The following MYLK4 variants were observed in gnomAD, a reference collection of about 807,000 sequenced individuals.
MYLK4 encodes myosin light chain kinase family member 4.
Under a neutral mutation model 48.1 loss-of-function variants are expected in MYLK4, and 46 were observed. That is an observed-to-expected ratio of 0.96 (90% CI 0.75 to 1.22). The LOEUF is 1.22. Ranked by LOEUF, MYLK4 falls within the 50% of genes most tolerant of loss-of-function variation. The pLI is 0.00. For synonymous variants in MYLK4, 170 were observed against 180.8 expected (o/e 0.94, Z 0.48); for missense variants, 451 against 486.1 (o/e 0.93, Z 0.68).
rs747592840 is a variant in MYLK4 at position 2,678,207 on chromosome 6, G to C, written c.1040+13C>G. 1 of 1,612,974 alleles carries C rather than the reference G, an allele frequency of 6.2e-7. No homozygotes were observed. Among genetic ancestry groups the C allele is most frequent in the African/African-American group, 1.3e-5 (1 of 74,900 alleles). On this transcript the variant is annotated intron_variant, in intron 10 of 12. Transcript: ENST00000274643. Reference sequence around the variant, plus strand: ...CCCTACTGCGCCCGGAGCACAGGACGAACTTGCGTTACCTCTTCTCCTTAA... The same window carrying C: ...CCCTACTGCGCCCGGAGCACAGGACCAACTTGCGTTACCTCTTCTCCTTAA...
chr6:2,703,694 C>T (rs541790462), intron 2 of MYLK4, among the ~76,000 whole-genome samples: 98 of 25,426 alleles, frequency 3.9e-3, no homozygotes, highest in South Asian at 5.0e-3. Context: ...TTTTTTGAGA[C>T]GGAGTCTTGC....
At chr6:2,744,881 A>G (rs2113370683) in intron 2 of MYLK4, among the ~76,000 whole-genome samples, 1 of 152,360 alleles carries the variant, frequency 6.6e-6, no homozygotes, top group East Asian at 1.9e-4. Flanking sequence ...GTTAGGATAA[A>G]TTCAGAAATG....
At chr6:2,723,540 G>A (rs1373146401) in intron 2 of MYLK4, among the ~76,000 whole-genome samples, 7 of 152,220 alleles carry the variant, frequency 4.6e-5, no homozygotes, top group African/African-American at 4.8e-5. Flanking sequence ...AGGTTCTCTC[G>A]CCCTCGCTGG....
chr6:2,767,423 A>G, the MYLK4 span, among the ~76,000 whole-genome samples: 1 of 152,108 alleles, frequency 6.6e-6, no homozygotes, highest in African/African-American at 2.4e-5. Flanking sequence ...TTTTTCTCCT[A>G]TTTTTCTTTC....
Position 2,735,152 on chromosome 6 carries a change from C to T in MYLK4, c.159+13984G>A, listed in dbSNP as rs866896506. Among the ~76,000 whole-genome samples, 16 of 152,306 alleles carry T rather than the reference C, an allele frequency of 1.1e-4. No individual in the cohort carries two copies. The South Asian group carries it at 1.5e-3, about 14-fold the overall frequency. On this transcript the variant is annotated intron_variant, in intron 2 of 12. Coordinates refer to ENST00000274643, the MANE Select transcript of MYLK4 (RefSeq NM_001012418.5). ...AGCCATCATTACAAACAATTCTTCC[C>T]GTATTAGAGCCATTTCAGTAATAAC... is the stretch of plus-strand genomic sequence containing the variant.
chr6:2,699,586 C>A (rs1762214515), intron 2 of MYLK4, among the ~76,000 whole-genome samples: 1 of 152,058 alleles, frequency 6.6e-6, no homozygotes, highest in Non-Finnish European at 1.5e-5. Flanking sequence ...TGTCAGCCAC[C>A]ATGCCCAGCT....
Position 2,679,388 on chromosome 6 carries a change from A to G in MYLK4, c.779T>C (p.Leu260Pro). ...LARRYKPREK[L>P]KVNFGTPEFL... ...TTCTGGGGTTCCAAAGTTCACCTTCAGCTTCTCTCTGGGTTTGTATCTGCA... is the reference window on the plus strand; with the variant it reads ...TTCTGGGGTTCCAAAGTTCACCTTCGGCTTCTCTCTGGGTTTGTATCTGCA... The change falls in exon 9 of 13, where the codon CTG becomes CCG. Residue 260 changes from leucine (L) to proline (P), a missense_variant. Physicochemically the swap from Leu to Pro is moderately conservative, Grantham distance 98 (BLOSUM62 -3). Coordinates refer to ENST00000274643, the MANE Select transcript of MYLK4 (RefSeq NM_001012418.5). 1 of 1,614,216 alleles carries G rather than the reference A, an allele frequency of 6.2e-7. No homozygotes were observed. Among genetic ancestry groups the G allele is most frequent in the South Asian group, 1.1e-5 (1 of 91,086 alleles).
At position 2,666,857 on chromosome 6, in the gene MYLK4, G is replaced by A. The variant is rs1395178167; in HGVS notation, c.*1068C>T. 1 of 152,240 alleles carries A rather than the reference G, an allele frequency of 6.6e-6. No homozygotes were observed. The highest frequency in any genetic ancestry group is 1.5e-5 in the Non-Finnish European group (1 of 68,056). The allele number at this position is 152,240 out of a possible 1,614,324, so 9.4% of individuals were successfully genotyped here. On this transcript the variant is annotated 3_prime_UTR_variant, in exon 13 of 13. Coordinates refer to ENST00000274643, the MANE Select transcript of MYLK4 (RefSeq NM_001012418.5). ...CAACATTCTCACGTCCAGCAGGTGAGCTTGCAGAGTTGCCCCCACCTCTGG... is the reference window on the plus strand; with the variant it reads ...CAACATTCTCACGTCCAGCAGGTGAACTTGCAGAGTTGCCCCCACCTCTGG...
Position 2,672,886 on chromosome 6 carries a change from T to A in MYLK4, c.1120-1538A>T, listed in dbSNP as rs1368647240. On this transcript the variant is annotated intron_variant, in intron 11 of 12. Transcript: ENST00000274643. This position sits in a 1 kb window ranked among gnomAD's most constrained non-coding sequence, Gnocchi z 4.3. ...TACAGACACTAATGTGCCCATTTTG[T>A]GCGTTGCTATGAGGAGTCAGTGAGT... Among the ~76,000 whole-genome samples, 2 of 152,212 alleles carry A rather than the reference T, an allele frequency of 1.3e-5. No individual in the cohort carries two copies. The highest frequency in any genetic ancestry group is 3.9e-4 in the East Asian group (2 of 5,194).
intron 3 of MYLK4, among the ~76,000 whole-genome samples, chr6:2,690,277 T>C (rs558464598): frequency 1.3e-5 from 2 of 152,260 alleles, no homozygotes; most frequent in South Asian, 4.1e-4. Flanking sequence ...GTGCCGACTA[T>C]GTCTACTCTG....
At chr6:2,708,442 C>T (rs535446737) in intron 2 of MYLK4, among the ~76,000 whole-genome samples, 6 of 152,198 alleles carry the variant, frequency 3.9e-5, no homozygotes, top group Admixed American at 2.6e-4. Flanking sequence ...ATCATTTTGG[C>T]TATGGGAGAA....
rs1216721708 is a variant in MYLK4, at chr6:2,685,862, A to G, written c.342-286T>C. ...GAGGCGGGAGGATCACGAGGTCAGGACCAGTCTGGCCAACATAGTGAAACC... is the reference window on the plus strand; with the variant it reads ...GAGGCGGGAGGATCACGAGGTCAGGGCCAGTCTGGCCAACATAGTGAAACC... On this transcript the variant is annotated intron_variant, in intron 4 of 12. Transcript: ENST00000274643. The surrounding 1 kb of genome is among the most constrained non-coding windows in gnomAD (Gnocchi z 4.5). Among the ~76,000 whole-genome samples the G allele has an allele frequency of 6.6e-6, 1 of 152,086 alleles. No individual in the cohort carries two copies. The highest frequency in any genetic ancestry group is 1.5e-5 in the Non-Finnish European group (1 of 68,010).
At position 2,673,846 on chromosome 6, in the gene MYLK4, C is replaced by G. The variant is rs1760989521; in HGVS notation, c.1119+1201G>C. On this transcript the variant is annotated intron_variant, in intron 11 of 12. Transcript: ENST00000274643. This position sits in a 1 kb window ranked among gnomAD's most constrained non-coding sequence, Gnocchi z 4.2. ...CGGTCACCATGGGAATGGAGAGAAA[C>G]AGACAGCTTCCAGAGGTAATTAGGG... 6.6e-6 allele frequency among the ~76,000 whole-genome samples: 1 copy of G among 152,188 alleles called. No homozygotes were observed. The highest frequency in any genetic ancestry group is 1.5e-5 in the Non-Finnish European group (1 of 68,040).
chr6:2,728,355 G>A (rs934649790), intron 2 of MYLK4, among the ~76,000 whole-genome samples: 1 of 152,104 alleles, frequency 6.6e-6, no homozygotes, highest in Non-Finnish European at 1.5e-5. Flanking sequence ...TCTCTCTGAA[G>A]AAACCACTTT....
chr6:2,679,352 G>T lies in MYLK4; in HGVS notation c.815C>A (p.Pro272His), dbSNP rs771850352. ...VNFGTPEFLAPEVVNYDFVSF... is the reference protein window; with the variant it reads ...VNFGTPEFLAHEVVNYDFVSF... ...AACAAAATCATAGTTCACAACTTCAGGGGCGAGAAATTCTGGGGTTCCAAA... is the reference window on the plus strand; with the variant it reads ...AACAAAATCATAGTTCACAACTTCATGGGCGAGAAATTCTGGGGTTCCAAA... Residue 272 changes from proline to histidine, a missense_variant, in exon 9 of 13, where the codon CCT becomes CAT. Physicochemically the swap from Pro to His is moderately conservative, Grantham distance 77 (BLOSUM62 -2). Coordinates refer to ENST00000274643, the MANE Select transcript of MYLK4 (RefSeq NM_001012418.5). The T allele has an allele frequency of 6.2e-7, 1 of 1,614,052 alleles. No individual in the cohort carries two copies. The highest frequency in any genetic ancestry group is 1.3e-5 in the African/African-American group (1 of 74,916).
the MYLK4 span, chr6:2,765,451 C>CGGGAGCTGCGGACGT: frequency 1.2e-5 from 9 of 766,716 alleles, no homozygotes; most frequent in African/African-American, 5.5e-5. Flanking sequence ...CGGGCGGACG[C>CGGGAGCTGCGGACGT]GGGAGCTGCG....
the MYLK4 span, among the ~76,000 whole-genome samples, chr6:2,762,079 T>C: frequency 2.0e-5 from 3 of 152,122 alleles, no homozygotes; most frequent in African/African-American, 4.8e-5. Flanking sequence ...ACCCAGCTAA[T>C]GTTTGTATTT....
At chr6:2,764,707 G>C in the MYLK4 span, among the ~76,000 whole-genome samples, 1 of 152,156 alleles carries the variant, frequency 6.6e-6, no homozygotes, top group African/African-American at 2.4e-5. Flanking sequence ...CAGAAGGCTG[G>C]TGTTTCCGAT....
chr6:2,766,477 G>GTT, the MYLK4 span: 1 of 1,470,750 alleles, frequency 6.8e-7, no homozygotes. Flanking sequence ...GGCTTCCGTA[G>GTT]TTATCTCGGC....
Sources: allele counts gnomAD v4.1 joint callset (sites outside exome capture counted in the v4.1 genomes callset), GRCh38; gene constraint gnomAD v4.1.1; non-coding constraint Gnocchi (gnomAD v3.1); transcripts MANE v1.5; gene names NCBI Gene and HGNC (gene_info 2026-07-23, HGNC 2026-07-21).